Variants in TTC39A observed in about 807,000 individuals in gnomAD.
TTC39A encodes tetratricopeptide repeat domain 39A, also known as tetratricopeptide repeat protein 39A.
A neutral mutation model predicts 82.3 loss-of-function variants in TTC39A; 46 were observed. The ratio of observed to expected loss-of-function variants is 0.56; its 90% CI spans 0.44 to 0.71. TTC39A has a LOEUF of 0.71. Ranked by LOEUF, TTC39A falls within the 30% of genes least tolerant of loss-of-function variation. The pLI, the probability that TTC39A is intolerant of heterozygous loss-of-function variation, is 0.00. For missense variants in TTC39A, 543 were observed against 712.9 expected, an observed-to-expected ratio of 0.76 and a Z score of 2.71; for synonymous variants, 254 against 275.2, an observed-to-expected ratio of 0.92 and a Z score of 0.76.
Position 51,306,866 on chromosome 1 carries a change from G to A in TTC39A, c.489-790C>T, listed in dbSNP as rs144876542. On this transcript the variant is annotated intron_variant, in intron 6 of 17. Transcript: ENST00000680483. The stretch of plus-strand genomic sequence containing the variant: ...TTTAAGGGACAGACCCCCCCCCCCC[G>A]CCCCCCGATTGAGTCACTATGAGGG... 6.6e-4 allele frequency among the ~76,000 whole-genome samples: 20 copies of A among 30,172 alleles called. 1 individual carries two copies. Among genetic ancestry groups the A allele is most frequent in the South Asian group, 1.5e-3 (2 of 1,344 alleles). 19.8% of individuals were successfully genotyped at this position (30,172 alleles called of 152,430 possible). A position where few individuals can be genotyped will look rare whatever the true frequency, so the allele number is the denominator to read the frequency against.
intron 2 of TTC39A, among the ~76,000 whole-genome samples, chr1:51,320,603 C>T (rs1645474314): frequency 6.6e-6 from 1 of 151,360 alleles, no homozygotes. Flanking sequence ...AGGCGCACAC[C>T]ACCACACCCA....
intron 2 of TTC39A, among the ~76,000 whole-genome samples, chr1:51,316,197 C>T (rs72906166): frequency 0.024 from 3,583 of 152,316 alleles, 147 homozygotes; most frequent in African/African-American, 0.083. Flanking sequence ...CCCAGGAGGG[C>T]GCTCAAAGGC....
intron 2 of TTC39A, among the ~76,000 whole-genome samples, chr1:51,315,176 C>T (rs763162287): frequency 2.6e-5 from 4 of 152,220 alleles, no homozygotes; most frequent in Admixed American, 1.3e-4. Context: ...CAGCCCCACC[C>T]GGGCAGCTGG....
intron 8 of TTC39A, among the ~76,000 whole-genome samples, chr1:51,303,705 T>A (rs1024810720): frequency 6.6e-6 from 1 of 152,176 alleles, no homozygotes; most frequent in African/African-American, 2.4e-5. Context: ...GCATTCTTGT[T>A]CTTTCTAAAA....
chr1:51,305,774 T>C (rs1644844606), intron 7 of TTC39A, among the ~76,000 whole-genome samples: 1 of 152,130 alleles, frequency 6.6e-6, no homozygotes, highest in South Asian at 2.1e-4. Flanking sequence ...CGATGGACTC[T>C]GGAGCTGGCT....
intron 3 of TTC39A, among the ~76,000 whole-genome samples, chr1:51,312,546 C>T (rs1468705827): frequency 6.6e-6 from 1 of 152,180 alleles, no homozygotes; most frequent in Non-Finnish European, 1.5e-5. Flanking sequence ...CTCTTCGTGT[C>T]CAGCCTGGCC....
chr1:51,327,110 T>A (rs1645740910), intron 1 of TTC39A, among the ~76,000 whole-genome samples: 2 of 152,214 alleles, frequency 1.3e-5, no homozygotes, highest in African/African-American at 2.4e-5. Context: ...CTTGGACTGC[T>A]GCTTCTGTGC....
chr1:51,317,648 G>T, intron 2 of TTC39A, among the ~76,000 whole-genome samples: 1 of 152,210 alleles, frequency 6.6e-6, no homozygotes, highest in East Asian at 1.9e-4. Flanking sequence ...TACTCAGGAG[G>T]CTGAGGCAGG....
chr1:51,336,315 C>T (rs901913953), upstream of TTC39A, among the ~76,000 whole-genome samples: 1 of 152,108 alleles, frequency 6.6e-6, no homozygotes, highest in South Asian at 2.1e-4. Flanking sequence ...CTCTGCCCCC[C>T]GCTAGCTCTG....
intron 2 of TTC39A, among the ~76,000 whole-genome samples, chr1:51,315,457 C>A (rs1344973809): frequency 6.6e-6 from 1 of 152,192 alleles, no homozygotes; most frequent in African/African-American, 2.4e-5. Flanking sequence ...GGGGTCCCAC[C>A]TTCTTGGGCC....
In TTC39A at chr1:51,305,990, C is replaced by A. The variant is rs755182084; in HGVS notation, c.575G>T (p.Gly192Val). 1 of 1,613,778 alleles carries A rather than the reference C, an allele frequency of 6.2e-7. No individual in the cohort carries two copies. Among genetic ancestry groups the A allele is most frequent in the Admixed American group, 1.7e-5 (1 of 59,992 alleles). The change falls in exon 7 of 18, where the codon GGG becomes GTG. Residue 192 changes from glycine to valine, a missense_variant. By Grantham distance (109) the Gly-to-Val change is moderately radical. Transcript: ENST00000680483. ...AGGAGCACTCACCAGGTTGAAGGCCCCTACACCAAGCTTCACTCCTCCTTC... is the reference window on the plus strand; with the variant it reads ...AGGAGCACTCACCAGGTTGAAGGCCACTACACCAAGCTTCACTCCTCCTTC... The part of the protein sequence containing the change: ...HFEGGVKLGV[G>V]AFNLTLSMLP...
chr1:51,307,658 C>A (rs1275497391), intron 6 of TTC39A, among the ~76,000 whole-genome samples: 3 of 147,434 alleles, frequency 2.0e-5, no homozygotes, highest in Non-Finnish European at 3.0e-5. Flanking sequence ...TCGCTTGAAT[C>A]TGGGAGGCAG....
At chr1:51,308,392 A>T (rs1644955298) in intron 6 of TTC39A, among the ~76,000 whole-genome samples, 1 of 152,010 alleles carries the variant, frequency 6.6e-6, no homozygotes, top group Admixed American at 6.6e-5. Flanking sequence ...GGTGCCTGCC[A>T]CCACGCCCTG....
upstream of TTC39A, chr1:51,331,858 G>C (rs76131641): frequency 3.5e-4 from 340 of 972,554 alleles, 1 homozygote; most frequent in East Asian, 0.014. Context: ...GGTGGTGACA[G>C]AACTGAGCCT....
intron 1 of TTC39A, among the ~76,000 whole-genome samples, chr1:51,342,752 C>T (rs1049083494): frequency 6.6e-6 from 1 of 152,154 alleles, no homozygotes; most frequent in African/African-American, 2.4e-5. Flanking sequence ...AGCACAAAGG[C>T]GCATGTGTGC....
chr1:51,337,395 C>T (rs995773180), intron 1 of TTC39A, among the ~76,000 whole-genome samples: 14 of 151,836 alleles, frequency 9.2e-5, no homozygotes, highest in Non-Finnish European at 4.4e-5. Context: ...TCACCTTCTC[C>T]GTGAGGCCTT....
Position 51,344,399 on chromosome 1 carries a change from G to T in TTC39A, c.53+592C>A, listed in dbSNP as rs534195690. ...CCTCTCACAGGAACACAACTGGGGC[G>T]CACTAACTTATCCCGGAGGTAGGGT... is the stretch of plus-strand genomic sequence containing the variant. On this transcript the variant is annotated intron_variant, in intron 1 of 5. Transcript: ENST00000401051. 9.5e-4 allele frequency among the ~76,000 whole-genome samples: 145 copies of T among 152,288 alleles called. 1 individual carries two copies. The highest frequency in any genetic ancestry group is 3.5e-3 in the African/African-American group (144 of 41,566).
At chr1:51,305,222 G>T in intron 7 of TTC39A, 76 bp from the exon 8 acceptor site, 1 of 1,446,540 alleles carries the variant, frequency 6.9e-7, no homozygotes, top group Non-Finnish European at 9.7e-7. Flanking sequence ...CCCAAGTCTA[G>T]CTCTTTAACA....
At position 51,288,993 on chromosome 1, in the gene TTC39A, G is replaced by T; in HGVS notation, c.1494-38C>A. On this transcript the variant is annotated intron_variant, in intron 16 of 17. Coordinates refer to ENST00000680483, the MANE Select transcript of TTC39A (RefSeq NM_001297663.2). The surrounding 1 kb of genome is among the most constrained non-coding windows in gnomAD (Gnocchi z 4.8). Reference sequence around the variant, plus strand: ...GGACATGGCTCAGGTTCCTCCTCCTGAGCCTCTCCCAAACTGCATGTGAGG... The same window carrying T: ...GGACATGGCTCAGGTTCCTCCTCCTTAGCCTCTCCCAAACTGCATGTGAGG... 1 of 1,542,580 alleles carries T rather than the reference G, an allele frequency of 6.5e-7. No individual in the cohort carries two copies. The highest frequency in any genetic ancestry group is 2.4e-5 in the East Asian group (1 of 41,806).
Sources: allele counts gnomAD v4.1 joint callset (sites outside exome capture counted in the v4.1 genomes callset), GRCh38; gene constraint gnomAD v4.1.1; non-coding constraint Gnocchi (gnomAD v3.1); transcripts MANE v1.5; gene names NCBI Gene and HGNC (gene_info 2026-07-23, HGNC 2026-07-21).